The following PIK3C2G variants were observed in gnomAD, a reference collection of about 807,000 sequenced individuals.
PIK3C2G encodes phosphatidylinositol-4-phosphate 3-kinase catalytic subunit type 2 gamma.
In PIK3C2G, 168 loss-of-function variants were observed where a neutral mutation model predicts 181.1. That is an observed-to-expected ratio of 0.93 (90% CI 0.82 to 1.05). The LOEUF (loss-of-function observed/expected upper bound fraction) is 1.05. Among genes scored for constraint, PIK3C2G ranks in the 50% least tolerant of loss-of-function variants. The pLI is 0.00. For missense variants in PIK3C2G, 1,869 were observed against 1,732.8 expected (o/e 1.08, Z -1.40); for synonymous variants, 573 against 592.2 (o/e 0.97, Z 0.47).
At chr12:18,512,611 A>G (rs1942280382) in intron 24 of PIK3C2G, among the ~76,000 whole-genome samples, 1 of 151,902 alleles carries the variant, frequency 6.6e-6, no homozygotes, top group Admixed American at 6.6e-5. Context: ...CATTATTAGT[A>G]TATAGAAATG....
intron 18 of PIK3C2G, among the ~76,000 whole-genome samples, chr12:18,469,404 G>A (rs972799589): frequency 3.3e-5 from 5 of 152,070 alleles, no homozygotes; most frequent in African/African-American, 9.7e-5. Context: ...TGTTTTCTTG[G>A]AAATACTTTT....
the PIK3C2G span, among the ~76,000 whole-genome samples, chr12:18,670,163 T>C: frequency 0.011 from 1,693 of 152,254 alleles, 7 homozygotes; most frequent in African/African-American, 0.016. Context: ...GATCATTAGA[T>C]AGAAGAAGTA....
chr12:18,693,555 T>A, the PIK3C2G span: 1 of 1,607,758 alleles, frequency 6.2e-7, no homozygotes, highest in Non-Finnish European at 8.5e-7. Flanking sequence ...CAGAAGTACC[T>A]AGGTGATGGG....
At chr12:18,666,438 A>T in the PIK3C2G span, among the ~76,000 whole-genome samples, 1 of 152,114 alleles carries the variant, frequency 6.6e-6, no homozygotes, top group Admixed American at 6.5e-5. Flanking sequence ...GGCTATACTA[A>T]TTTTTAAAAT....
chr12:18,398,368 T>C (rs756125493), intron 15 of PIK3C2G, among the ~76,000 whole-genome samples: 3 of 152,200 alleles, frequency 2.0e-5, no homozygotes, highest in South Asian at 2.1e-4. Flanking sequence ...GAAAAGGTGG[T>C]AGCAAAATAT....
chr12:18,538,875 A>G lies in PIK3C2G; in HGVS notation c.3480+563A>G, dbSNP rs149332038. Among the ~76,000 whole-genome samples, 632 of 152,004 alleles carry G rather than the reference A, an allele frequency of 4.2e-3. 6 individuals carry two copies. Among genetic ancestry groups the G allele is most frequent in the African/African-American group, 0.014 (599 of 41,496 alleles). On this transcript the variant is annotated intron_variant, in intron 25 of 32. Transcript: ENST00000538779. ...CACTCTCTTGTGACCAACAGGGGAA[A>G]ATTTAAGGTTTTATTCCACTGTTCA...
intron 2 of PIK3C2G, among the ~76,000 whole-genome samples, chr12:18,285,079 T>A (rs112569327): frequency 2.0e-5 from 3 of 152,032 alleles, no homozygotes; most frequent in African/African-American, 7.2e-5. Context: ...CATTTTATAC[T>A]CAAACATCTG....
intron 18 of PIK3C2G, among the ~76,000 whole-genome samples, chr12:18,482,999 C>T (rs1392229968): frequency 6.6e-6 from 1 of 152,192 alleles, no homozygotes; most frequent in African/African-American, 2.4e-5. Flanking sequence ...GTTTGCAACA[C>T]TCTTGAAATA....
intron 24 of PIK3C2G, 149 bp from the exon 25 acceptor site, chr12:18,538,007 C>T: frequency 1.5e-6 from 1 of 650,776 alleles, no homozygotes; most frequent in Non-Finnish European, 2.6e-6. Flanking sequence ...TGCAGTTTCT[C>T]AAGCTGCCTC....
chr12:18,679,639 A>C, the PIK3C2G span, among the ~76,000 whole-genome samples: 1 of 152,002 alleles, frequency 6.6e-6, no homozygotes, highest in Non-Finnish European at 1.5e-5. Context: ...TGAAAGGATT[A>C]AGATTAATTT....
the PIK3C2G span, among the ~76,000 whole-genome samples, chr12:18,709,974 A>C: frequency 6.6e-6 from 1 of 151,872 alleles, no homozygotes; most frequent in South Asian, 2.1e-4. Context: ...TTGCGTATAA[A>C]AATACTACTG....
the PIK3C2G span, among the ~76,000 whole-genome samples, chr12:18,677,112 TG>T: frequency 6.6e-6 from 1 of 152,164 alleles, no homozygotes; most frequent in Non-Finnish European, 1.5e-5. Flanking sequence ...GAAAGTTTGA[TG>T]TAGAAAAGGG....
At chr12:18,529,625 A>G (rs922893230) in intron 24 of PIK3C2G, among the ~76,000 whole-genome samples, 11 of 152,186 alleles carry the variant, frequency 7.2e-5, no homozygotes, top group Admixed American at 2.6e-4. Flanking sequence ...GTACGTATGT[A>G]TTTGTTTAAA....
At chr12:18,343,279 G>T in intron 9 of PIK3C2G, 48 bp from the exon 10 acceptor site, 1 of 984,880 alleles carries the variant, frequency 1.0e-6, no homozygotes. Context: ...TGACTATTTT[G>T]TGAATTTGTT....
chr12:18,424,170 C>T (rs758968548), intron 18 of PIK3C2G, 131 bp downstream of exon 18: 1 of 572,204 alleles, frequency 1.7e-6, no homozygotes, highest in Non-Finnish European at 3.2e-6. Context: ...AGTTTTGAGT[C>T]TTTGTCAATG....
the PIK3C2G span, chr12:18,683,681 A>C: frequency 8.1e-7 from 1 of 1,237,520 alleles, no homozygotes; most frequent in Non-Finnish European, 1.1e-6. Flanking sequence ...AGCACAGTGT[A>C]AATCACCCTG....
chr12:18,506,874 A>G (rs147023509), intron 24 of PIK3C2G, among the ~76,000 whole-genome samples: 2 of 152,276 alleles, frequency 1.3e-5, no homozygotes, highest in Non-Finnish European at 2.9e-5. Context: ...ATGTGATCGA[A>G]TTTATACCAG....
At chr12:18,261,016 T>A (rs1948218571), upstream of PIK3C2G, among the ~76,000 whole-genome samples, 1 of 152,084 alleles carries the variant, frequency 6.6e-6, no homozygotes, top group Non-Finnish European at 1.5e-5. Flanking sequence ...AAACTAAAAA[T>A]TAATATCTTT....
intron 18 of PIK3C2G, among the ~76,000 whole-genome samples, chr12:18,480,250 G>A (rs1475487363): frequency 6.6e-6 from 1 of 152,084 alleles, no homozygotes; most frequent in Non-Finnish European, 1.5e-5. Flanking sequence ...TAGTGGGGGA[G>A]GGAGAGAGGG....
Sources: gnomAD v4.1 joint callset for allele counts (sites outside exome capture counted in the v4.1 genomes callset) on GRCh38, gnomAD v4.1.1 for gene constraint, MANE v1.5 for transcripts, NCBI Gene and HGNC (gene_info 2026-07-23, HGNC 2026-07-21) for gene names.